Variants in MARS2 observed in about 807,000 individuals in gnomAD.
MARS2 encodes methionine--tRNA ligase, mitochondrial.
MARS2 carries 33 observed loss-of-function variants against 43.8 expected under a neutral mutation model. The ratio of observed to expected loss-of-function variants is 0.75; its 90% CI spans 0.57 to 1.01. MARS2 has a LOEUF of 1.01. Ranked by LOEUF, MARS2 falls within the 50% of genes least tolerant of loss-of-function variation. The probability of loss-of-function intolerance (pLI) is 0.00; values close to 1 mark genes in which losing one functional copy is unlikely to be tolerated. For synonymous variants in MARS2, 351 were observed against 325.5 expected (o/e 1.08, Z -0.84); for missense variants, 720 against 763.0 (o/e 0.94, Z 0.66).
rs2089476186 is a variant in MARS2, at chr2:197,706,443, A to G, written c.1038A>G (p.Gln346=). 1 of 1,613,842 alleles carries G rather than the reference A, an allele frequency of 6.2e-7. No individual in the cohort carries two copies. Among genetic ancestry groups the G allele is most frequent in the African/African-American group, 1.3e-5 (1 of 74,942 alleles). Residue 346 remains glutamine, a synonymous_variant, in exon 1 of 1, where the codon CAA becomes CAG. Transcript: ENST00000282276. ...CVHSHWTVCG[Q]KMSKSLGNVV... ...ATTCCCACTGGACAGTCTGTGGCCAAAAGATGTCCAAGAGCTTGGGCAACG... is the reference window on the plus strand; with the variant it reads ...ATTCCCACTGGACAGTCTGTGGCCAGAAGATGTCCAAGAGCTTGGGCAACG...
Position 197,706,418 on chromosome 2 carries a change from A to G in MARS2, c.1013A>G (p.His338Arg), listed in dbSNP as rs776469200. Reference sequence around the variant, plus strand: ...AGCCCGCCACAGCGCATCTGTGTCCATTCCCACTGGACAGTCTGTGGCCAA... The same window carrying G: ...AGCCCGCCACAGCGCATCTGTGTCCGTTCCCACTGGACAGTCTGTGGCCAA... ...GMSPPQRICV[H>R]SHWTVCGQKM... The change falls in exon 1 of 1, where the codon CAT becomes CGT. Residue 338 changes from histidine (H) to arginine (R), a missense_variant. Coordinates refer to ENST00000282276, the MANE Select transcript of MARS2 (RefSeq NM_138395.4). 25 of 1,613,988 alleles carry G rather than the reference A, an allele frequency of 1.5e-5. No homozygotes were observed. The highest frequency in any genetic ancestry group is 1.0e-4 in the Admixed American group (6 of 60,014).
Position 197,705,547 on chromosome 2 carries a change from A to T in MARS2, c.142A>T (p.Thr48Ser). ...TGCTTGTGATGTGCGCGCCTACTTC[A>T]CTACACCCATTTTCTACGTGAACGC... ...DDACDVRAYF[T>S]TPIFYVNAAP... The change falls in exon 1 of 1, where the codon ACT becomes TCT. Residue 48 changes from threonine to serine, a missense_variant. Thr to Ser is a moderately conservative substitution (Grantham distance 58). Transcript: ENST00000282276. 2 of 1,613,152 alleles carry T rather than the reference A, an allele frequency of 1.2e-6. No homozygotes were observed. Among genetic ancestry groups the T allele is most frequent in the Non-Finnish European group, 1.7e-6 (2 of 1,179,948 alleles).
Position 197,706,217 on chromosome 2 carries a change from A to G in MARS2, c.812A>G (p.Asp271Gly), listed in dbSNP as rs2089474207. ...HLHWGIPVPG[D>G]DSQTIYVWLD... ...CACTGGGGCATTCCGGTGCCCGGGG[A>G]TGATTCGCAGACCATCTATGTATGG... is the stretch of plus-strand genomic sequence containing the variant. Residue 271 changes from aspartate (D) to glycine (G), a missense_variant, in exon 1 of 1, where the codon GAT (aspartate) becomes GGT (glycine). Asp to Gly is a moderately conservative substitution (Grantham distance 94). Transcript: ENST00000282276. The G allele has an allele frequency of 7.4e-6, 12 of 1,614,140 alleles. No individual in the cohort carries two copies. The highest frequency in any genetic ancestry group is 1.3e-5 in the African/African-American group (1 of 75,028).
Position 197,705,971 on chromosome 2 carries a change from C to G in MARS2, c.566C>G (p.Ser189Trp). The G allele has an allele frequency of 6.2e-7, 1 of 1,614,196 alleles. No individual in the cohort carries two copies. The highest frequency in any genetic ancestry group is 8.5e-7 in the Non-Finnish European group (1 of 1,180,034). Reference protein sequence around the residue: ...EAKVTQQPGPSGDSFPVSLES... With the variant: ...EAKVTQQPGPWGDSFPVSLES... ...AAGGTCACCCAGCAGCCGGGCCCAT[C>G]GGGGGATTCGTTTCCTGTATCTCTC... Residue 189 changes from serine to tryptophan, a missense_variant, in exon 1 of 1, where the codon TCG becomes TGG. Coordinates refer to ENST00000282276, the MANE Select transcript of MARS2 (RefSeq NM_138395.4).
rs1486278257 is a variant in MARS2, at chr2:197,705,961, C to G, written c.556C>G (p.Pro186Ala). The stretch of plus-strand genomic sequence containing the variant: ...GCCTGAGGCCAAGGTCACCCAGCAG[C>G]CGGGCCCATCGGGGGATTCGTTTCC... ...FLPEAKVTQQ[P>A]GPSGDSFPVS... Residue 186 changes from proline to alanine, a missense_variant, in exon 1 of 1, where the codon CCG (proline) becomes GCG (alanine). Coordinates refer to ENST00000282276, the MANE Select transcript of MARS2 (RefSeq NM_138395.4). 1 of 1,614,142 alleles carries G rather than the reference C, an allele frequency of 6.2e-7. No individual in the cohort carries two copies. Among genetic ancestry groups the G allele is most frequent in the South Asian group, 1.1e-5 (1 of 91,076 alleles).
In MARS2 at chr2:197,705,679, A is replaced by G. The variant is rs752079408; in HGVS notation, c.274A>G (p.Thr92Ala). 2 of 1,611,062 alleles carry G rather than the reference A, an allele frequency of 1.2e-6. No homozygotes were observed. Among genetic ancestry groups the G allele is most frequent in the East Asian group, 2.2e-5 (1 of 44,880 alleles). ...STAATRFSTG[T>A]DEHGLKIQQA... is the part of the protein sequence containing the mutation. ...GGCCGCCACGCGATTCTCCACTGGT[A>G]CCGACGAGCACGGGCTGAAGATTCA... The change falls in exon 1 of 1, where the codon ACC becomes GCC. Residue 92 changes from threonine (T) to alanine (A), a missense_variant. Physicochemically the swap from Thr to Ala is moderately conservative, Grantham distance 58 (BLOSUM62 0). Coordinates refer to ENST00000282276, the MANE Select transcript of MARS2 (RefSeq NM_138395.4).
chr2:197,705,769 C>T lies in MARS2; in HGVS notation c.364C>T (p.Gln122Ter), dbSNP rs2089469421. The T allele has an allele frequency of 1.2e-6, 2 of 1,613,166 alleles. No homozygotes were observed. The highest frequency in any genetic ancestry group is 1.3e-5 in the African/African-American group (1 of 74,948). ...ELCDRVSEQFQQLFQEAGISC... is the reference protein window; with the variant it reads ...ELCDRVSEQF Reference sequence around the variant, plus strand: ...GTGCGACCGAGTCTCTGAGCAGTTCCAGCAGCTTTTCCAGGAGGCCGGTAT... The same window carrying T: ...GTGCGACCGAGTCTCTGAGCAGTTCTAGCAGCTTTTCCAGGAGGCCGGTAT... The change falls in exon 1 of 1, where the codon CAG (glutamine) becomes TAG (stop). Residue 122 changes from glutamine (Q) to a stop codon, truncating the protein, a stop_gained. Transcript: ENST00000282276. LOFTEE classifies it high-confidence loss of function.
In MARS2 at chr2:197,707,045, G is replaced by C. The variant is rs370296950; in HGVS notation, c.1640G>C (p.Ser547Thr). The C allele has an allele frequency of 6.2e-7, 1 of 1,614,040 alleles. No homozygotes were observed. Among genetic ancestry groups the C allele is most frequent in the African/African-American group, 1.3e-5 (1 of 74,918 alleles). ...CTGGGGGTCTCTGCCTCAGAGAGGAGTCTTGGAGAGCTCTATTTCTTGCCT... is the reference window on the plus strand; with the variant it reads ...CTGGGGGTCTCTGCCTCAGAGAGGACTCTTGGAGAGCTCTATTTCTTGCCT... ...SRLGVSASER[S>T]LGELYFLPRF... The change falls in exon 1 of 1, where the codon AGT becomes ACT. Residue 547 changes from serine to threonine, a missense_variant. By Grantham distance (58) the Ser-to-Thr change is moderately conservative (BLOSUM62 1). Coordinates refer to ENST00000282276, the MANE Select transcript of MARS2 (RefSeq NM_138395.4).
In MARS2 at chr2:197,708,360, TAA is replaced by T. The variant is rs1467106229; in HGVS notation, c.*1174_*1175del. The T allele has an allele frequency of 5.4e-5, 9 of 166,794 alleles. No homozygotes were observed. The allele number at this position is 166,794 out of a possible 1,614,324, so 10.3% of individuals were successfully genotyped here. Reference sequence around the variant, plus strand: ...GATTATTTCTTTTGCTCTTTTAACTTAAGTTATTAAAGTTTAAAAGTTCGTAA... The same window carrying T: ...GATTATTTCTTTTGCTCTTTTAACTTGTTATTAAAGTTTAAAAGTTCGTAA... On this transcript the variant is annotated 3_prime_UTR_variant, in exon 1 of 1. Coordinates refer to ENST00000282276, the MANE Select transcript of MARS2 (RefSeq NM_138395.4).
At position 197,705,890 on chromosome 2, in the gene MARS2, A is replaced by G. The variant is rs1329517767; in HGVS notation, c.485A>G (p.Lys162Arg). 11 of 1,614,050 alleles carry G rather than the reference A, an allele frequency of 6.8e-6. No individual in the cohort carries two copies. The highest frequency in any genetic ancestry group is 9.3e-6 in the Non-Finnish European group (11 of 1,180,022). The change falls in exon 1 of 1, where the codon AAG becomes AGG. Residue 162 changes from lysine to arginine, a missense_variant. By Grantham distance (26) the Lys-to-Arg change is conservative. Coordinates refer to ENST00000282276, the MANE Select transcript of MARS2 (RefSeq NM_138395.4). The stretch of plus-strand genomic sequence containing the variant: ...CTTAAGTCCCGCGGTCTGCTCTACA[A>G]GGGCGTCTATGAAGGTTGGTATTGC... ...GVLKSRGLLY[K>R]GVYEGWYCAS...
At position 197,707,304 on chromosome 2, in the gene MARS2, C is replaced by T; in HGVS notation, c.*117C>T. 1 of 925,520 alleles carries T rather than the reference C, an allele frequency of 1.1e-6. No homozygotes were observed. The highest frequency in any genetic ancestry group is 1.8e-5 in the South Asian group (1 of 56,670). 57.3% of individuals were successfully genotyped at this position (925,520 alleles called of 1,614,324 possible). ...GTGTGGAATCAAATGAGCACATAAG[C>T]TGTGTCCCTGTGAAAAGAGGTTTGT... On this transcript the variant is annotated 3_prime_UTR_variant, in exon 1 of 1. Coordinates refer to ENST00000282276, the MANE Select transcript of MARS2 (RefSeq NM_138395.4).
At position 197,705,705 on chromosome 2, in the gene MARS2, G is replaced by T. The variant is rs1257662265; in HGVS notation, c.300G>T (p.Gln100His). Reference sequence around the variant, plus strand: ...CCGACGAGCACGGGCTGAAGATTCAGCAGGCAGCAGCTACCGCGGGCCTGG... The same window carrying T: ...CCGACGAGCACGGGCTGAAGATTCATCAGGCAGCAGCTACCGCGGGCCTGG... ...TGTDEHGLKIQQAAATAGLAP... is the reference protein window; with the variant it reads ...TGTDEHGLKIHQAAATAGLAP... Residue 100 changes from glutamine to histidine, a missense_variant, in exon 1 of 1, where the codon CAG (glutamine) becomes CAT (histidine). By Grantham distance (24) the Gln-to-His change is conservative. Transcript: ENST00000282276. 5 of 1,611,106 alleles carry T rather than the reference G, an allele frequency of 3.1e-6. No homozygotes were observed. The highest frequency in any genetic ancestry group is 4.2e-6 in the Non-Finnish European group (5 of 1,180,016).
Position 197,707,493 on chromosome 2 carries a change from A to C in MARS2, c.*306A>C, listed in dbSNP as rs978335880. ...CTTCCAAACCACAGTTATTTGCCCA[A>C]ACTACCTCTCGTGGCTGGTTTTTCA... On this transcript the variant is annotated 3_prime_UTR_variant, in exon 1 of 1. Coordinates refer to ENST00000282276, the MANE Select transcript of MARS2 (RefSeq NM_138395.4). 44 of 279,948 alleles carry C rather than the reference A, an allele frequency of 1.6e-4. No individual in the cohort carries two copies. Among genetic ancestry groups the C allele is most frequent in the Non-Finnish European group, 2.8e-4 (39 of 137,856 alleles). 17.3% of individuals were successfully genotyped at this position (279,948 alleles called of 1,614,324 possible). A position where few individuals can be genotyped will look rare whatever the true frequency, so the allele number is the denominator to read the frequency against.
In MARS2 at chr2:197,705,873, C is replaced by T. The variant is rs2089470393; in HGVS notation, c.468C>T (p.Ser156=). 1.9e-6 allele frequency: 3 copies of T among 1,613,932 alleles called. No individual in the cohort carries two copies. The highest frequency in any genetic ancestry group is 2.2e-5 in the East Asian group (1 of 44,886). Residue 156 remains serine (S), a synonymous_variant, in exon 1 of 1, where the codon TCC becomes TCT. Coordinates refer to ENST00000282276, the MANE Select transcript of MARS2 (RefSeq NM_138395.4). ...AVQHFWGVLK[S]RGLLYKGVYE... ...AGCACTTCTGGGGGGTGCTTAAGTC[C>T]CGCGGTCTGCTCTACAAGGGCGTCT...
In MARS2 at chr2:197,705,452, G is replaced by C. The variant is rs1484715940; in HGVS notation, c.47G>C (p.Ser16Thr). 12 of 1,612,590 alleles carry C rather than the reference G, an allele frequency of 7.4e-6. No homozygotes were observed. In the Admixed American group the frequency reaches 2.0e-4, roughly 27 times the overall value. Residue 16 changes from serine to threonine, a missense_variant, in exon 1 of 1, where the codon AGT becomes ACT. Ser to Thr is a moderately conservative substitution (Grantham distance 58). Transcript: ENST00000282276. Reference sequence around the variant, plus strand: ...CGCCTGCTAGGACGCACGGGGGCTAGTAGGCTGTCTCTCCTGGAGGACTTC... The same window carrying C: ...CGCCTGCTAGGACGCACGGGGGCTACTAGGCTGTCTCTCCTGGAGGACTTC... ...VLRLLGRTGA[S>T]RLSLLEDFGP...
In MARS2 at chr2:197,706,716, G is replaced by T; in HGVS notation, c.1311G>T (p.Gly437=). Residue 437 remains glycine (G), a synonymous_variant, in exon 1 of 1, where the codon GGG becomes GGT. Transcript: ENST00000282276. ...TCFPSEPGLV[G]PSVRAQAEDY... is the part of the protein sequence containing the mutation. ...TCCCTAGTGAGCCAGGGTTGGTGGG[G>T]CCGTCAGTTCGTGCTCAGGCAGAGG... 6.2e-7 allele frequency: 1 copy of T among 1,613,982 alleles called. No homozygotes were observed. The highest frequency in any genetic ancestry group is 8.5e-7 in the Non-Finnish European group (1 of 1,180,044).
chr2:197,706,807 C>A lies in MARS2; in HGVS notation c.1402C>A (p.Arg468=). 1 of 1,614,088 alleles carries A rather than the reference C, an allele frequency of 6.2e-7. No homozygotes were observed. Among genetic ancestry groups the A allele is most frequent in the Non-Finnish European group, 8.5e-7 (1 of 1,180,038 alleles). Reference sequence around the variant, plus strand: ...GGTAGCAGACCACTATGATAACTTTCGGATATATAAGGCTCTGGAGGCCGT... The same window carrying A: ...GGTAGCAGACCACTATGATAACTTTAGGATATATAAGGCTCTGGAGGCCGT... ...KQVADHYDNF[R]IYKALEAVSS... The change falls in exon 1 of 1, where the codon CGG becomes AGG. Residue 468 remains arginine, a synonymous_variant. Transcript: ENST00000282276.
Position 197,706,907 on chromosome 2 carries a change from T to G in MARS2, c.1502T>G (p.Val501Gly), listed in dbSNP as rs138968807. Reference sequence around the variant, plus strand: ...TGGAAGCTGAACTGGGAGAGCCCAGTGGATGCTCCCTGGCTGGGTACTGTG... The same window carrying G: ...TGGAAGCTGAACTGGGAGAGCCCAGGGGATGCTCCCTGGCTGGGTACTGTG... ...APWKLNWESPVDAPWLGTVLH... is the reference protein window; with the variant it reads ...APWKLNWESPGDAPWLGTVLH... The change falls in exon 1 of 1, where the codon GTG (valine) becomes GGG (glycine). Residue 501 changes from valine (V) to glycine (G), a missense_variant. Coordinates refer to ENST00000282276, the MANE Select transcript of MARS2 (RefSeq NM_138395.4). 1.9e-6 allele frequency: 3 copies of G among 1,614,210 alleles called. No individual in the cohort carries two copies. The African/African-American group carries it at 4.0e-5, about 22-fold the overall frequency.
In MARS2 at chr2:197,705,444, G is replaced by A. The variant is rs901878348; in HGVS notation, c.39G>A (p.Thr13=). The A allele has an allele frequency of 1.2e-6, 2 of 1,612,190 alleles. No homozygotes were observed. The highest frequency in any genetic ancestry group is 1.3e-5 in the African/African-American group (1 of 74,908). The part of the protein sequence containing the change: ...RTSVLRLLGR[T]GASRLSLLED... ...CCGTCCTCCGCCTGCTAGGACGCAC[G>A]GGGGCTAGTAGGCTGTCTCTCCTGG... Residue 13 remains threonine, a synonymous_variant, in exon 1 of 1, where the codon ACG becomes ACA. Transcript: ENST00000282276.
Sources: gnomAD v4.1 joint callset for allele counts on GRCh38, gnomAD v4.1.1 for gene constraint, MANE v1.5 for transcripts, NCBI Gene and HGNC (gene_info 2026-07-23, HGNC 2026-07-21) for gene names.